Variants in MAD1L1 observed in about 807,000 individuals in gnomAD.
MAD1L1 encodes mitotic arrest deficient 1 like 1.
MAD1L1 carries 95 observed loss-of-function variants against 96.9 expected under a neutral mutation model. The ratio of observed to expected loss-of-function variants is 0.98; its 90% confidence interval spans 0.83 to 1.16. MAD1L1 has a LOEUF of 1.16. Among genes scored for constraint, MAD1L1 ranks in the 50% most tolerant of loss-of-function variants. MAD1L1 has a pLI of 0.00. For missense variants in MAD1L1, 1,007 were observed against 954.4 expected, an observed-to-expected ratio of 1.06 and a Z score of -0.73; for synonymous variants, 473 against 396.6, an observed-to-expected ratio of 1.19 and a Z score of -2.29.
chr7:2,216,868 G>A (rs1300209631), intron 7 of MAD1L1, among the ~76,000 whole-genome samples: 1 of 152,178 alleles, frequency 6.6e-6, no homozygotes, highest in Non-Finnish European at 1.5e-5. Context: ...CCTGTGGGAG[G>A]CCTTCCTGGG....
intron 18 of MAD1L1, chr7:1,872,828 T>C (rs1452177067): frequency 1.3e-5 from 2 of 152,112 alleles, no homozygotes; most frequent in Non-Finnish European, 2.9e-5. Context: ...AACTCCACAG[T>C]GAGGATCGTT....
intron 18 of MAD1L1, among the ~76,000 whole-genome samples, chr7:1,884,527 C>T (rs1056378305): frequency 1.3e-5 from 2 of 152,236 alleles, no homozygotes; most frequent in African/African-American, 4.8e-5. Flanking sequence ...TGCTGACCTT[C>T]CCTCAGCCCA....
At chr7:1,983,141 CG>C (rs1780992546) in intron 14 of MAD1L1, among the ~76,000 whole-genome samples, 1 of 16,372 alleles carries the variant, frequency 6.1e-5, no homozygotes, top group Admixed American at 7.2e-4. Context: ...GACGCGCGCG[CG>C]CGCGCGCGCG....
intron 16 of MAD1L1, among the ~76,000 whole-genome samples, chr7:1,948,964 A>G (rs1266152207): frequency 6.6e-6 from 1 of 152,222 alleles, no homozygotes; most frequent in Non-Finnish European, 1.5e-5. Flanking sequence ...CGTACAACAC[A>G]GGAGGGGCTG....
intron 17 of MAD1L1, among the ~76,000 whole-genome samples, chr7:1,903,508 C>A (rs1410510417): frequency 6.8e-6 from 1 of 146,634 alleles, no homozygotes. Context: ...AAGCACTGTT[C>A]CAGGCAGCGA....
rs193246689 is a variant in MAD1L1 at position 1,865,782 on chromosome 7, C to T, written c.1998+32418G>A. ...GCACAGACCCAGAGAGCGGCTGCTA[C>T]GGGATCTACAGCGACTGCTCTCTCT... On this transcript the variant is annotated intron_variant, in intron 18 of 18. Coordinates refer to ENST00000265854, the MANE Select transcript of MAD1L1 (RefSeq NM_001013836.2). Among the ~76,000 whole-genome samples the T allele has an allele frequency of 9.8e-5, 15 of 152,360 alleles. No homozygotes were observed. The East Asian group carries it at 1.5e-3, about 16-fold the overall frequency.
chr7:2,123,380 G>A (rs888140221), intron 11 of MAD1L1, among the ~76,000 whole-genome samples: 11 of 152,094 alleles, frequency 7.2e-5, no homozygotes, highest in African/African-American at 2.4e-4. Flanking sequence ...ACAGCTTGGA[G>A]ACATTGCGGG....
intron 15 of MAD1L1, among the ~76,000 whole-genome samples, chr7:1,960,753 A>T (rs4721248): frequency 0.86 from 130,896 of 152,124 alleles, 57,635 homozygotes; most frequent in Non-Finnish European, 0.96. Context: ...ACGGGCAAAA[A>T]ATCAGGAGGA....
chr7:1,853,669 G>A (rs1481289666), intron 18 of MAD1L1, among the ~76,000 whole-genome samples: 2 of 152,116 alleles, frequency 1.3e-5, no homozygotes, highest in Admixed American at 6.5e-5. Context: ...TCTGCACGGG[G>A]GCCCCCTGCC....
Position 1,858,577 on chromosome 7 carries a change from C to G in MAD1L1, c.1998+39623G>C, listed in dbSNP as rs572241088. Reference sequence around the variant, plus strand: ...TCATTCAGGTCTTGCTGACCCTGTCCCGGCACCAGGACGCCCGCGGTGCCT... The same window carrying G: ...TCATTCAGGTCTTGCTGACCCTGTCGCGGCACCAGGACGCCCGCGGTGCCT... On this transcript the variant is annotated intron_variant, in intron 18 of 18. Transcript: ENST00000265854. Among the ~76,000 whole-genome samples, 3 of 152,334 alleles carry G rather than the reference C, an allele frequency of 2.0e-5. No homozygotes were observed. In the East Asian group the frequency reaches 5.8e-4, roughly 29 times the overall value.
At chr7:1,898,829 G>C (rs528256695) in intron 17 of MAD1L1, among the ~76,000 whole-genome samples, 30 of 152,322 alleles carry the variant, frequency 2.0e-4, no homozygotes, top group Non-Finnish European at 4.1e-4. Context: ...ACCGCGTGAG[G>C]AGCCGGTGCT....
At chr7:1,850,934 CAG>C (rs1479802267) in intron 18 of MAD1L1, among the ~76,000 whole-genome samples, 2 of 152,200 alleles carry the variant, frequency 1.3e-5, no homozygotes, top group African/African-American at 4.8e-5. Context: ...TTCCGGGCAT[CAG>C]AGAGCAGGAA....
chr7:1,883,915 A>G (rs967323311), intron 18 of MAD1L1, among the ~76,000 whole-genome samples: 1 of 152,168 alleles, frequency 6.6e-6, no homozygotes, highest in African/African-American at 2.4e-5. Context: ...CAGGCCAGGG[A>G]GCCTCCTGGA....
chr7:1,961,976 G>C (rs1028880212), intron 15 of MAD1L1, among the ~76,000 whole-genome samples: 4 of 151,988 alleles, frequency 2.6e-5, no homozygotes, highest in Admixed American at 1.3e-4. Context: ...TCACAGGGTG[G>C]TTTCCCCCAT....
chr7:1,936,975 A>C lies in MAD1L1; in HGVS notation c.1597-78T>G, dbSNP rs1197887734. 3 of 1,184,958 alleles carry C rather than the reference A, an allele frequency of 2.5e-6. No individual in the cohort carries two copies. In the African/African-American group the frequency reaches 4.5e-5, roughly 18 times the overall value. The allele number at this position is 1,184,958 out of a possible 1,614,324, so 73.4% of individuals were successfully genotyped here. ...CGGGTCACACACAGCATGGGTCACCATGGCCCAGGAAGACACACAGCACGG... is the reference window on the plus strand; with the variant it reads ...CGGGTCACACACAGCATGGGTCACCCTGGCCCAGGAAGACACACAGCACGG... On this transcript the variant is annotated intron_variant, in intron 16 of 18. Transcript: ENST00000265854.
intron 17 of MAD1L1, among the ~76,000 whole-genome samples, chr7:1,903,516 C>T (rs1430960171): frequency 5.1e-5 from 7 of 138,350 alleles, no homozygotes; most frequent in African/African-American, 8.8e-5. Context: ...TTCCAGGCAG[C>T]GAGGACGCAG....
intron 13 of MAD1L1, among the ~76,000 whole-genome samples, chr7:2,006,833 A>G (rs1258264837): frequency 2.0e-5 from 3 of 152,156 alleles, no homozygotes; most frequent in Non-Finnish European, 4.4e-5. Context: ...ATGGGCTCCA[A>G]AATGCGCTAG....
At chr7:1,856,303 G>A (rs958608807) in intron 18 of MAD1L1, among the ~76,000 whole-genome samples, 1 of 152,192 alleles carries the variant, frequency 6.6e-6, no homozygotes, top group East Asian at 1.9e-4. Context: ...ATCTCGCTTC[G>A]GTTCTGGCTG....
At chr7:1,895,102 G>C (rs1786784929) in intron 18 of MAD1L1, among the ~76,000 whole-genome samples, 1 of 152,220 alleles carries the variant, frequency 6.6e-6, no homozygotes, top group African/African-American at 2.4e-5. Flanking sequence ...TCCTGGAGAA[G>C]GTGTCTACAA....
Sources: gnomAD v4.1 joint callset for allele counts (sites outside exome capture counted in the v4.1 genomes callset) on GRCh38, gnomAD v4.1.1 for gene constraint, MANE v1.5 for transcripts, NCBI Gene and HGNC (gene_info 2026-07-23, HGNC 2026-07-21) for gene names.